ZNF563: variants seen among roughly 807,000 people sequenced by gnomAD.
The protein encoded by ZNF563 is zinc finger protein 563.
A neutral mutation model predicts 48.5 loss-of-function variants in ZNF563; 39 were observed. The ratio of observed to expected loss-of-function variants is 0.80; its 90% confidence interval spans 0.62 to 1.05. The LOEUF is 1.05. Ranked by LOEUF, ZNF563 falls within the 50% of genes least tolerant of loss-of-function variation. The pLI is 0.00. For missense variants in ZNF563, 538 were observed against 597.0 expected, an observed-to-expected ratio of 0.90 and a Z score of 1.03; for synonymous variants, 168 against 187.9, an observed-to-expected ratio of 0.89 and a Z score of 0.87.
At chr19:12,327,609 T>C (rs1439937546) in intron 1 of ZNF563, among the ~76,000 whole-genome samples, 1 of 151,960 alleles carries the variant, frequency 6.6e-6, no homozygotes, top group African/African-American at 2.4e-5. Flanking sequence ...TATTTACCAG[T>C]AAAAAAGACA....
rs1402818566 is a variant in ZNF563, at chr19:12,333,497, G to A, written c.-15C>T. The A allele has an allele frequency of 1.2e-6, 2 of 1,613,600 alleles. No homozygotes were observed. Among genetic ancestry groups the A allele is most frequent in the African/African-American group, 2.7e-5 (2 of 74,934 alleles). On this transcript the variant is annotated 5_prime_UTR_variant, in exon 1 of 4. Coordinates refer to ENST00000293725, the MANE Select transcript of ZNF563 (RefSeq NM_145276.3). Reference sequence around the variant, plus strand: ...ACACGCACCATTTCCCGGCTTCCGGGATGTTCCAGGGTCCTCCCTCTGCCT... The same window carrying A: ...ACACGCACCATTTCCCGGCTTCCGGAATGTTCCAGGGTCCTCCCTCTGCCT...
At position 12,317,697 on chromosome 19, in the gene ZNF563, C is replaced by T. The variant is rs956470526; in HGVS notation, c.*897G>A. The T allele has an allele frequency of 1.3e-5, 2 of 152,148 alleles. No homozygotes were observed. The highest frequency in any genetic ancestry group is 2.1e-4 in the South Asian group (1 of 4,816). The allele number at this position is 152,148 out of a possible 1,614,324, so 9.4% of individuals were successfully genotyped here. On this transcript the variant is annotated 3_prime_UTR_variant, in exon 4 of 4. Coordinates refer to ENST00000293725, the MANE Select transcript of ZNF563 (RefSeq NM_145276.3). ...TTTTAAAAAAGGACTTGGCATGTGT[C>T]GATTTATGTATGCCCAGGGGGTGGT...
At chr19:12,341,186 G>C in the ZNF563 span, among the ~76,000 whole-genome samples, 1 of 152,148 alleles carries the variant, frequency 6.6e-6, no homozygotes, top group Non-Finnish European at 1.5e-5. Context: ...GAGTAGCTGG[G>C]ATTACAGGTG....
At chr19:12,338,790 C>T in the ZNF563 span, among the ~76,000 whole-genome samples, 2 of 151,958 alleles carry the variant, frequency 1.3e-5, no homozygotes, top group Non-Finnish European at 2.9e-5. Context: ...AGGCAGAGGT[C>T]GCGGTGAGCC....
At chr19:12,347,192 T>C in the ZNF563 span, 1 of 152,138 alleles carries the variant, frequency 6.6e-6, no homozygotes, top group Non-Finnish European at 1.5e-5. Flanking sequence ...ATGAAACAGC[T>C]CTTATCAAGG....
chr19:12,344,362 C>CAAA, the ZNF563 span, among the ~76,000 whole-genome samples: 1 of 72,856 alleles, frequency 1.4e-5, no homozygotes. Flanking sequence ...GACATTGTCT[C>CAAA]AAAAAAAAAA....
chr19:12,332,082 T>C (rs998223860), intron 1 of ZNF563, among the ~76,000 whole-genome samples: 2 of 152,136 alleles, frequency 1.3e-5, no homozygotes, highest in Non-Finnish European at 2.9e-5. Flanking sequence ...CTGTATTTGT[T>C]TGAAATACAG....
intron 1 of ZNF563, chr19:12,325,022 T>C (rs544944751): frequency 3.9e-5 from 6 of 152,222 alleles, no homozygotes; most frequent in Non-Finnish European, 8.8e-5. Flanking sequence ...TTATTGCCTT[T>C]GTATTTTCCA....
At chr19:12,320,835 A>AT (rs1385111543) in intron 3 of ZNF563, among the ~76,000 whole-genome samples, 1 of 152,038 alleles carries the variant, frequency 6.6e-6, no homozygotes, top group Non-Finnish European at 1.5e-5. Flanking sequence ...TTAGGAGGAA[A>AT]TTTTTTAAGA....
intron 3 of ZNF563, 65 bp from the exon 4 acceptor site, chr19:12,319,898 T>A: frequency 6.9e-7 from 1 of 1,456,138 alleles, no homozygotes; most frequent in African/African-American, 1.4e-5. Flanking sequence ...TTATGTGTAT[T>A]AATAGGTATT....
At position 12,322,087 on chromosome 19, in the gene ZNF563, G is replaced by A. The variant is rs141606711; in HGVS notation, c.130+498C>T. On this transcript the variant is annotated intron_variant, in intron 2 of 3. Coordinates refer to ENST00000293725, the MANE Select transcript of ZNF563 (RefSeq NM_145276.3). ...TTTTATTTTTTTGAGACAGATTCTCGCTCTGTCACCCAGGTTGGAGTGCAG... is the reference window on the plus strand; with the variant it reads ...TTTTATTTTTTTGAGACAGATTCTCACTCTGTCACCCAGGTTGGAGTGCAG... Among the ~76,000 whole-genome samples the A allele has an allele frequency of 2.6e-4, 39 of 151,150 alleles. No homozygotes were observed. In the East Asian group the frequency reaches 5.5e-3, roughly 21 times the overall value.
intron 1 of ZNF563, among the ~76,000 whole-genome samples, chr19:12,323,978 T>A (rs1968703123): frequency 6.6e-6 from 1 of 152,252 alleles, no homozygotes; most frequent in Admixed American, 6.5e-5. Context: ...AATGAGAGAA[T>A]GTAATATTAG....
Position 12,322,649 on chromosome 19 carries a change from A to T in ZNF563, c.66T>A (p.Gly22=), listed in dbSNP as rs1216761286. The stretch of plus-strand genomic sequence containing the variant: ...ATCTGTATAAATTCTTCTGTGATGG[A>T]CCCAGCAAAGCCCATTCCTCCTGGG... ...NFTQEEWALL[G]PSQKNLYRYV... The change falls in exon 2 of 4, where the codon GGT becomes GGA. Residue 22 remains glycine, a synonymous_variant. Coordinates refer to ENST00000293725, the MANE Select transcript of ZNF563 (RefSeq NM_145276.3). 4 of 1,610,338 alleles carry T rather than the reference A, an allele frequency of 2.5e-6. No homozygotes were observed. The highest frequency in any genetic ancestry group is 1.7e-5 in the Admixed American group (1 of 59,782).
intron 1 of ZNF563, 142 bp downstream of exon 1, chr19:12,333,338 C>T (rs1017228625): frequency 5.1e-6 from 6 of 1,177,608 alleles, no homozygotes; most frequent in Non-Finnish European, 6.0e-6. Context: ...CTGAGGGGAC[C>T]GAGGGTCGAG....
intron 1 of ZNF563, among the ~76,000 whole-genome samples, chr19:12,324,733 A>C (rs925538301): frequency 1.3e-5 from 2 of 151,598 alleles, no homozygotes; most frequent in Non-Finnish European, 2.9e-5. Flanking sequence ...AAAAAAAAAA[A>C]AAAAAAAAAA....
chr19:12,346,535 C>T, the ZNF563 span: 4 of 152,268 alleles, frequency 2.6e-5, no homozygotes, highest in Admixed American at 2.6e-4. Context: ...TATACCTGTT[C>T]CTGAAAAAGG....
chr19:12,330,676 G>A (rs1968898392), intron 1 of ZNF563, among the ~76,000 whole-genome samples: 1 of 152,140 alleles, frequency 6.6e-6, no homozygotes, highest in African/African-American at 2.4e-5. Context: ...TCAACCCAAA[G>A]AACAGGGACA....
chr19:12,329,301 G>A (rs929252226), intron 1 of ZNF563, among the ~76,000 whole-genome samples: 1 of 151,906 alleles, frequency 6.6e-6, no homozygotes, highest in African/African-American at 2.4e-5. Context: ...GTGAAACCCC[G>A]TCTCTACTAA....
intron 3 of ZNF563, 80 bp from the exon 4 acceptor site, chr19:12,319,913 G>GT: frequency 1.5e-6 from 2 of 1,304,838 alleles, no homozygotes; most frequent in Non-Finnish European, 2.1e-6. Flanking sequence ...GGTATTGGAT[G>GT]TACTTTTTTT....
Sources: gnomAD v4.1 joint callset for allele counts (sites outside exome capture counted in the v4.1 genomes callset) on GRCh38, gnomAD v4.1.1 for gene constraint, MANE v1.5 for transcripts, NCBI Gene and HGNC (gene_info 2026-07-23, HGNC 2026-07-21) for gene names.